Variants in CFAP210 observed in about 807,000 individuals in gnomAD.
CFAP210 encodes the protein cilia and flagella associated protein 210.
the CFAP210 span, among the ~76,000 whole-genome samples, chr2:169,657,179 T>G: frequency 2.0e-5 from 3 of 151,806 alleles, no homozygotes; most frequent in Non-Finnish European, 2.9e-5. Flanking sequence ...TTTCAAAAAA[T>G]CCAATGTCTA....
At chr2:169,656,748 G>A in the CFAP210 span, among the ~76,000 whole-genome samples, 12 of 152,016 alleles carry the variant, frequency 7.9e-5, no homozygotes, top group East Asian at 1.7e-3. Context: ...CAGATCACCT[G>A]AGGTCAGGAG....
chr2:169,662,422 T>C, the CFAP210 span: 1 of 1,589,826 alleles, frequency 6.3e-7, no homozygotes, highest in Non-Finnish European at 8.5e-7. Flanking sequence ...CTCTTCTTCC[T>C]CATGTTCCTT....
the CFAP210 span, chr2:169,650,495 AT>A: frequency 6.3e-7 from 1 of 1,576,630 alleles, no homozygotes; most frequent in East Asian, 2.3e-5. Flanking sequence ...GAAGTTATGT[AT>A]TCTTTCTCTT....
chr2:169,688,270 G>A, the CFAP210 span, among the ~76,000 whole-genome samples: 2 of 152,354 alleles, frequency 1.3e-5, no homozygotes, highest in East Asian at 1.9e-4. Flanking sequence ...GATTTCTGCA[G>A]CTGGCTTGAA....
the CFAP210 span, chr2:169,662,185 T>A: frequency 7.7e-7 from 1 of 1,306,638 alleles, no homozygotes; most frequent in Admixed American, 2.3e-5. Context: ...ATACCACATG[T>A]ACTCCATAAA....
chr2:169,649,256 C>T, the CFAP210 span: 1 of 1,613,838 alleles, frequency 6.2e-7, no homozygotes, highest in East Asian at 2.2e-5. Context: ...TTTTCATGTT[C>T]CCAGAAAATC....
At chr2:169,670,648 A>T in the CFAP210 span, among the ~76,000 whole-genome samples, 1 of 152,208 alleles carries the variant, frequency 6.6e-6, no homozygotes, top group Non-Finnish European at 1.5e-5. Context: ...CCACTGTCAC[A>T]TATTTGGTGT....
At chr2:169,662,166 TG>T in the CFAP210 span, 1 of 1,058,408 alleles carries the variant, frequency 9.4e-7, no homozygotes, top group Non-Finnish European at 1.4e-6. Flanking sequence ...AATGTATGCA[TG>T]GGTCAAAATA....
At chr2:169,661,816 T>C in the CFAP210 span, among the ~76,000 whole-genome samples, 1 of 152,214 alleles carries the variant, frequency 6.6e-6, no homozygotes, top group South Asian at 2.1e-4. Context: ...TTTTTTTAAA[T>C]ATTAAAAGTT....
the CFAP210 span, chr2:169,645,810 T>C: frequency 7.1e-7 from 1 of 1,405,348 alleles, no homozygotes; most frequent in Non-Finnish European, 9.9e-7. Context: ...TGCTACAACT[T>C]AGTCTTCTCA....
At chr2:169,675,612 TGATCCACTCACCTCCCA>T in the CFAP210 span, among the ~76,000 whole-genome samples, 1 of 152,174 alleles carries the variant, frequency 6.6e-6, no homozygotes, top group African/African-American at 2.4e-5. Context: ...TCTGCCCCCA[TGATCCACTCACCTCCCA>T]GCAGGCCCCA....
chr2:169,687,885 G>A, the CFAP210 span, among the ~76,000 whole-genome samples: 3 of 151,086 alleles, frequency 2.0e-5, no homozygotes, highest in African/African-American at 7.3e-5. Context: ...ACTTTTGCCT[G>A]GACATCCAGG....
chr2:169,692,957 T>C, the CFAP210 span, among the ~76,000 whole-genome samples: 1 of 152,232 alleles, frequency 6.6e-6, no homozygotes, highest in African/African-American at 2.4e-5. Context: ...TTGCTGTTGT[T>C]ACAAAAATCC....
At chr2:169,686,922 G>A in the CFAP210 span, among the ~76,000 whole-genome samples, 3 of 152,280 alleles carry the variant, frequency 2.0e-5, no homozygotes, top group Non-Finnish European at 4.4e-5. Flanking sequence ...AGAAAAAAAG[G>A]TTTAGTTGGA....
the CFAP210 span, among the ~76,000 whole-genome samples, chr2:169,646,427 C>T: frequency 2.6e-5 from 4 of 152,032 alleles, no homozygotes; most frequent in South Asian, 2.1e-4. Flanking sequence ...AGTGAAATAG[C>T]GAAAATTATG....
chr2:169,645,833 AT>A, the CFAP210 span: 2 of 1,568,152 alleles, frequency 1.3e-6, no homozygotes, highest in East Asian at 2.2e-5. Context: ...GTTAAAAATA[AT>A]TTTTTTCTAC....
the CFAP210 span, among the ~76,000 whole-genome samples, chr2:169,689,390 T>C: frequency 6.6e-6 from 1 of 152,364 alleles, no homozygotes; most frequent in Admixed American, 6.5e-5. Context: ...GGTGCTATTG[T>C]AAATGGAATT....
the CFAP210 span, among the ~76,000 whole-genome samples, chr2:169,684,170 A>G: frequency 6.6e-6 from 1 of 152,118 alleles, no homozygotes; most frequent in East Asian, 1.9e-4. Flanking sequence ...ACAGAGACAG[A>G]TGGACAGAGA....
the CFAP210 span, among the ~76,000 whole-genome samples, chr2:169,676,235 T>TCCGTG: frequency 3.3e-5 from 5 of 152,186 alleles, no homozygotes; most frequent in Admixed American, 1.3e-4. Flanking sequence ...TTTGTCATTC[T>TCCGTG]CCGTGTCTAT....
Sources: allele counts gnomAD v4.1 joint callset (sites outside exome capture counted in the v4.1 genomes callset), GRCh38; gene constraint gnomAD v4.1.1; transcripts MANE v1.5; gene names NCBI Gene and HGNC (gene_info 2026-07-23, HGNC 2026-07-21).